The following FBXO7 variants were observed in gnomAD, a reference collection of about 807,000 sequenced individuals.
FBXO7 encodes F-box only protein 7.
Under a neutral mutation model 50.2 loss-of-function variants are expected in FBXO7, and 31 were observed. That is an observed-to-expected ratio of 0.62 (90% CI 0.46 to 0.83). The LOEUF is 0.83. Ranked by LOEUF, FBXO7 falls within the 40% of genes least tolerant of loss-of-function variation. The probability of loss-of-function intolerance (pLI) is 0.00; values close to 1 mark genes in which losing one functional copy is unlikely to be tolerated. For synonymous variants in FBXO7, 256 were observed against 253.1 expected (o/e 1.01, Z -0.11); for missense variants, 667 against 646.6 (o/e 1.03, Z -0.34).
At chr22:32,475,629 GC>G in intron 1 of FBXO7, 1 of 539,532 alleles carries the variant, frequency 1.9e-6, no homozygotes, top group Non-Finnish European at 3.2e-6. Context: ...GCCACCGGTA[GC>G]TTGTATCGCT....
intron 4 of FBXO7, among the ~76,000 whole-genome samples, chr22:32,486,152 C>T (rs1425194938): frequency 6.6e-6 from 1 of 152,024 alleles, no homozygotes; most frequent in Non-Finnish European, 1.5e-5. Context: ...GAAGCCCTAT[C>T]ACCACTTAAA....
chr22:32,475,350 C>T (rs748175258), intron 1 of FBXO7: 2 of 1,609,126 alleles, frequency 1.2e-6, no homozygotes, highest in South Asian at 1.1e-5. Flanking sequence ...TGGGGTCCGG[C>T]TCCTGGAGAA....
chr22:32,492,821 T>TA, intron 6 of FBXO7: 2 of 446,506 alleles, frequency 4.5e-6, no homozygotes, highest in East Asian at 9.0e-5. Context: ...CATTGGCTAG[T>TA]ATTTAGCAAT....
chr22:32,481,699 A>G (rs1372998342), intron 2 of FBXO7, among the ~76,000 whole-genome samples: 1 of 152,204 alleles, frequency 6.6e-6, no homozygotes, highest in Non-Finnish European at 1.5e-5. Flanking sequence ...TCTTGTAATT[A>G]AATATCAGTT....
intron 1 of FBXO7, among the ~76,000 whole-genome samples, chr22:32,476,912 G>A (rs1488525184): frequency 3.3e-5 from 5 of 152,132 alleles, no homozygotes; most frequent in South Asian, 2.1e-4. Context: ...AAAGTGGGAG[G>A]AAGAGCTGGT....
chr22:32,481,480 G>A (rs111708458), intron 2 of FBXO7, among the ~76,000 whole-genome samples: 1 of 152,158 alleles, frequency 6.6e-6, no homozygotes, highest in African/African-American at 2.4e-5. Flanking sequence ...AATGTTGCCT[G>A]AAGTTACTAA....
intron 7 of FBXO7, among the ~76,000 whole-genome samples, chr22:32,493,862 T>TAATG (rs1227579343): frequency 6.6e-6 from 1 of 152,130 alleles, no homozygotes; most frequent in Non-Finnish European, 1.5e-5. Flanking sequence ...GAAATCCATT[T>TAATG]AATGGGTCAT....
intron 2 of FBXO7, among the ~76,000 whole-genome samples, chr22:32,480,175 T>C (rs528882321): frequency 2.0e-5 from 3 of 152,322 alleles, no homozygotes; most frequent in African/African-American, 7.2e-5. Context: ...TCTGATGCTA[T>C]TGTTCCCTTG....
intron 7 of FBXO7, 45 bp downstream of exon 7, chr22:32,493,326 C>T (rs771160165): frequency 7.2e-6 from 11 of 1,526,684 alleles, no homozygotes; most frequent in Non-Finnish European, 1.0e-5. Flanking sequence ...CTCTTATTGT[C>T]TTGATTACTC....
At chr22:32,486,490 A>T (rs1230457674) in intron 4 of FBXO7, among the ~76,000 whole-genome samples, 12 of 151,970 alleles carry the variant, frequency 7.9e-5, no homozygotes, top group Non-Finnish European at 1.5e-5. Flanking sequence ...GTACCACCAC[A>T]CCTGGCTATT....
intron 2 of FBXO7, 86 bp from the exon 3 acceptor site, chr22:32,483,811 C>G: frequency 1.7e-6 from 2 of 1,205,934 alleles, no homozygotes; most frequent in Non-Finnish European, 2.4e-6. Context: ...CTTTGACTTT[C>G]AGCACTTAGT....
Position 32,490,633 on chromosome 22 carries a change from A to G in FBXO7, c.872-453A>G, listed in dbSNP as rs571932333. ...TTTTAAAATGGAGATAGTAATTAGG[A>G]AAGAACTTCTGATGTGAAAGCTTGA... On this transcript the variant is annotated intron_variant, in intron 5 of 8. Coordinates refer to ENST00000266087, the MANE Select transcript of FBXO7 (RefSeq NM_012179.4). The G allele has an allele frequency of 7.3e-5, 12 of 163,332 alleles. No individual in the cohort carries two copies. In the South Asian group the frequency reaches 1.7e-3, roughly 23 times the overall value. 10.1% of individuals were successfully genotyped at this position (163,332 alleles called of 1,614,324 possible).
At position 32,493,149 on chromosome 22, in the gene FBXO7, G is replaced by C; in HGVS notation, c.1012G>C (p.Glu338Gln). 6.2e-7 allele frequency: 1 copy of C among 1,614,164 alleles called. No homozygotes were observed. Among genetic ancestry groups the C allele is most frequent in the Non-Finnish European group, 8.5e-7 (1 of 1,180,016 alleles). The change falls in exon 7 of 9, where the codon GAA becomes CAA. Residue 338 changes from glutamate (E) to glutamine (Q), a missense_variant. Physicochemically the swap from Glu to Gln is conservative, Grantham distance 29. Coordinates refer to ENST00000266087, the MANE Select transcript of FBXO7 (RefSeq NM_012179.4). ...ATTTGGGTTGGTCGTCCTCCCATTG[G>C]AACTGAAACTACGGATCTTCCGACT... The part of the protein sequence containing the change: ...DVFGLVVLPL[E>Q]LKLRIFRLLD...
chr22:32,484,289 G>T lies in FBXO7; in HGVS notation c.645+165G>T, dbSNP rs536454057. Among the ~76,000 whole-genome samples the T allele has an allele frequency of 2.0e-4, 31 of 152,294 alleles. No homozygotes were observed. In the South Asian group the frequency reaches 6.0e-3, roughly 30 times the overall value. On this transcript the variant is annotated intron_variant, in intron 3 of 8. Coordinates refer to ENST00000266087, the MANE Select transcript of FBXO7 (RefSeq NM_012179.4). Reference sequence around the variant, plus strand: ...GGAGAAACATACTCATATATAGGATGCCAGGAATTCATGGAGGAGAACATT... The same window carrying T: ...GGAGAAACATACTCATATATAGGATTCCAGGAATTCATGGAGGAGAACATT...
intron 1 of FBXO7, chr22:32,475,556 T>TG: frequency 1.1e-6 from 1 of 918,734 alleles, no homozygotes; most frequent in South Asian, 2.0e-5. Context: ...CTTCAGCTGT[T>TG]GGAGTATTTC....
At chr22:32,486,863 T>C (rs1367954430) in intron 4 of FBXO7, among the ~76,000 whole-genome samples, 1 of 152,234 alleles carries the variant, frequency 6.6e-6, no homozygotes, top group East Asian at 1.9e-4. Flanking sequence ...CTTCATCTAA[T>C]CATTCTGCTA....
chr22:32,488,131 C>A (rs1308797552), intron 5 of FBXO7: 1 of 290,386 alleles, frequency 3.4e-6, no homozygotes, highest in Non-Finnish European at 6.6e-6. Flanking sequence ...CTGTACTAAT[C>A]TTTGGAGATC....
chr22:32,496,106 T>C (rs1420278652), intron 8 of FBXO7, among the ~76,000 whole-genome samples: 7 of 152,200 alleles, frequency 4.6e-5, no homozygotes, highest in Admixed American at 4.6e-4. Flanking sequence ...GGCTGACTCT[T>C]TTGTTAGGGG....
intron 4 of FBXO7, among the ~76,000 whole-genome samples, chr22:32,485,714 T>C (rs2057494135): frequency 6.6e-6 from 1 of 152,330 alleles, no homozygotes; most frequent in South Asian, 2.1e-4. Context: ...TTAGTAAGTA[T>C]GTGTTTTATT....
Sources: allele counts gnomAD v4.1 joint callset (sites outside exome capture counted in the v4.1 genomes callset), GRCh38; gene constraint gnomAD v4.1.1; transcripts MANE v1.5; gene names NCBI Gene and HGNC (gene_info 2026-07-23, HGNC 2026-07-21).